The following NAA11 variants were observed in gnomAD, a reference collection of about 807,000 sequenced individuals.
The protein encoded by NAA11 is N-alpha-acetyltransferase 11.
NAA11 carries 15 observed loss-of-function variants against 16.1 expected under a neutral mutation model. The observed-to-expected ratio is 0.93, with a 90% confidence interval of 0.62 to 1.44. NAA11 has a LOEUF of 1.44. Ranked by LOEUF, NAA11 falls within the 40% of genes most tolerant of loss-of-function variation. The pLI, the probability that NAA11 is intolerant of heterozygous loss-of-function variation, is 0.00. For synonymous variants in NAA11, 122 were observed against 112.4 expected (o/e 1.09, Z -0.54); for missense variants, 298 against 291.3 (o/e 1.02, Z -0.17).
chr4:79,262,041 T>C (rs567396099), intron 2 of NAA11, among the ~76,000 whole-genome samples: 2 of 152,246 alleles, frequency 1.3e-5, no homozygotes, highest in South Asian at 2.1e-4. Flanking sequence ...GAACCTAATA[T>C]CTTTTGAATA....
the NAA11 span, among the ~76,000 whole-genome samples, chr4:79,205,330 A>G: frequency 7.7e-3 from 1,167 of 151,500 alleles, 17 homozygotes; most frequent in African/African-American, 0.027. Context: ...GCCGACATCT[A>G]TTTTTGTTTT....
chr4:79,167,261 A>ATG, the NAA11 span, among the ~76,000 whole-genome samples: 2 of 120,618 alleles, frequency 1.7e-5, 1 homozygote, highest in African/African-American at 7.0e-5. Flanking sequence ...CCACATATAT[A>ATG]TATATATATA....
At chr4:79,232,571 T>G (rs1052968664) in intron 2 of NAA11, among the ~76,000 whole-genome samples, 6 of 151,998 alleles carry the variant, frequency 3.9e-5, no homozygotes, top group African/African-American at 1.2e-4. Flanking sequence ...TTCTTTGGTC[T>G]CTCAATCAAG....
the NAA11 span, among the ~76,000 whole-genome samples, chr4:79,178,824 A>G: frequency 6.6e-6 from 1 of 152,188 alleles, no homozygotes; most frequent in Non-Finnish European, 1.5e-5. Context: ...TTTGACATTT[A>G]TGCTATGATG....
At chr4:79,310,423 T>A (rs987906761) in intron 1 of NAA11, among the ~76,000 whole-genome samples, 1 of 152,224 alleles carries the variant, frequency 6.6e-6, no homozygotes, top group Non-Finnish European at 1.5e-5. Flanking sequence ...TACTTACACC[T>A]ATTTTGTGGA....
At chr4:79,263,874 A>G (rs1262694610) in intron 2 of NAA11, among the ~76,000 whole-genome samples, 1 of 152,184 alleles carries the variant, frequency 6.6e-6, no homozygotes, top group Non-Finnish European at 1.5e-5. Flanking sequence ...AGCCAAATGA[A>G]GACAACCTTC....
At chr4:79,200,072 G>T in the NAA11 span, among the ~76,000 whole-genome samples, 4 of 151,604 alleles carry the variant, frequency 2.6e-5, no homozygotes, top group African/African-American at 7.3e-5. Context: ...AATATTTATG[G>T]GGTACCTACA....
intron 1 of NAA11, among the ~76,000 whole-genome samples, chr4:79,301,523 A>G (rs1480502376): frequency 6.6e-6 from 1 of 152,240 alleles, no homozygotes; most frequent in Non-Finnish European, 1.5e-5. Context: ...ATTGTAATGC[A>G]GATTAACCAG....
chr4:79,215,756 G>T, the NAA11 span, among the ~76,000 whole-genome samples: 1 of 152,120 alleles, frequency 6.6e-6, no homozygotes, highest in Non-Finnish European at 1.5e-5. Flanking sequence ...CTTGAATACA[G>T]GTAGTCCAAG....
chr4:79,303,079 TA>T (rs1723449613), intron 1 of NAA11, among the ~76,000 whole-genome samples: 1 of 13,360 alleles, frequency 7.5e-5, no homozygotes, highest in Non-Finnish European at 1.6e-4. Flanking sequence ...AGGCCTTTTA[TA>T]TATATATATA....
chr4:79,320,139 T>C (rs1724049574), intron 1 of NAA11, among the ~76,000 whole-genome samples: 1 of 152,232 alleles, frequency 6.6e-6, no homozygotes, highest in Non-Finnish European at 1.5e-5. Context: ...TCAACCAGCA[T>C]GTTTTGAACT....
At chr4:79,260,404 T>C (rs1017645605) in intron 2 of NAA11, among the ~76,000 whole-genome samples, 13 of 152,234 alleles carry the variant, frequency 8.5e-5, no homozygotes, top group Non-Finnish European at 1.8e-4. Context: ...AATCCTCTGT[T>C]TTAAATCAGT....
intron 2 of NAA11, among the ~76,000 whole-genome samples, chr4:79,270,132 T>C (rs1722459614): frequency 6.6e-6 from 1 of 150,756 alleles, no homozygotes; most frequent in East Asian, 2.0e-4. Context: ...TGAAGTCAGG[T>C]AGTGTGATGC....
chr4:79,215,582 A>C, the NAA11 span, among the ~76,000 whole-genome samples: 1 of 152,214 alleles, frequency 6.6e-6, no homozygotes, highest in African/African-American at 2.4e-5. Flanking sequence ...CACCCCAGGT[A>C]GTTTTCCTGA....
chr4:79,172,078 A>G, the NAA11 span, among the ~76,000 whole-genome samples: 3 of 152,140 alleles, frequency 2.0e-5, no homozygotes, highest in Non-Finnish European at 4.4e-5. Context: ...AATTGACAGG[A>G]AAAGGTATGA....
chr4:79,207,367 TAAAAAAAA>T, the NAA11 span, among the ~76,000 whole-genome samples: 1 of 115,920 alleles, frequency 8.6e-6, no homozygotes. Flanking sequence ...TGAATGAGGT[TAAAAAAAA>T]AAAAAAAAAA....
downstream of NAA11, chr4:79,316,620 A>G (rs1170539014): frequency 6.6e-6 from 1 of 152,258 alleles, no homozygotes; most frequent in African/African-American, 2.4e-5. Flanking sequence ...TTCAGTGAAC[A>G]TAAAAACAAC....
At chr4:79,188,402 G>GGT in the NAA11 span, among the ~76,000 whole-genome samples, 9 of 151,960 alleles carry the variant, frequency 5.9e-5, no homozygotes, top group African/African-American at 2.2e-4. Flanking sequence ...TGGCTAACGC[G>GGT]GTGAAACCCC....
At chr4:79,275,531 A>G (rs1346105090) in intron 2 of NAA11, among the ~76,000 whole-genome samples, 1 of 152,114 alleles carries the variant, frequency 6.6e-6, no homozygotes, top group African/African-American at 2.4e-5. Context: ...CAAAAAATGT[A>G]TAATGAGTTC....
Sources: gnomAD v4.1 joint callset for allele counts (sites outside exome capture counted in the v4.1 genomes callset) on GRCh38, gnomAD v4.1.1 for gene constraint, MANE v1.5 for transcripts, NCBI Gene and HGNC (gene_info 2026-07-23, HGNC 2026-07-21) for gene names.